DAAM1: variants seen among roughly 807,000 people sequenced by gnomAD.
The protein encoded by DAAM1 is dishevelled associated activator of morphogenesis 1.
DAAM1 carries 52 observed loss-of-function variants against 130.0 expected under a neutral mutation model. The observed-to-expected ratio is 0.40, with a 90% CI of 0.32 to 0.50. The LOEUF (loss-of-function observed/expected upper bound fraction) is 0.50, where lower values mean the gene tolerates loss of function less well. DAAM1 is among the 20% of genes least tolerant of loss of function. The pLI, the probability that DAAM1 is intolerant of heterozygous loss-of-function variation, is 0.61. For missense variants in DAAM1, 1,134 were observed against 1,303.8 expected (o/e 0.87, Z 2.01); for synonymous variants, 452 against 444.5 (o/e 1.02, Z -0.21).
intron 2 of DAAM1, among the ~76,000 whole-genome samples, chr14:59,279,369 G>GA (rs1362416438): frequency 6.6e-6 from 1 of 152,156 alleles, no homozygotes; most frequent in Non-Finnish European, 1.5e-5. Flanking sequence ...TTACCAAAAT[G>GA]AAAAATCTCC....
chr14:59,196,044 G>C (rs1427580586), intron 1 of DAAM1, among the ~76,000 whole-genome samples: 1 of 152,204 alleles, frequency 6.6e-6, no homozygotes, highest in African/African-American at 2.4e-5. Context: ...CCAGCAGCTT[G>C]CTAAGGAACC....
At chr14:59,324,949 A>G (rs986382298) in intron 8 of DAAM1, among the ~76,000 whole-genome samples, 2 of 152,150 alleles carry the variant, frequency 1.3e-5, no homozygotes, top group Non-Finnish European at 2.9e-5. Context: ...AGCTATCCCA[A>G]CTTGCTTTCA....
rs1885214187 is a variant in DAAM1 at position 59,326,605 on chromosome 14, T to G, written c.1270T>G (p.Ser424Ala). 6.2e-7 allele frequency: 1 copy of G among 1,613,926 alleles called. No individual in the cohort carries two copies. Among genetic ancestry groups the G allele is most frequent in the Non-Finnish European group, 8.5e-7 (1 of 1,179,940 alleles). The change falls in exon 11 of 25, where the codon TCC becomes GCC. Residue 424 changes from serine (S) to alanine (A), a missense_variant. This residue lies in a region of DAAM1 where 391 missense variants were observed against 521.6 expected (regional missense o/e 0.75). Transcript: ENST00000360909. The stretch of plus-strand genomic sequence containing the variant: ...GAATGACAAAGGACAGGACCCTGAC[T>G]CCACACCTTTGGAAAACTTTAATAT... Reference protein sequence around the residue: ...IQNDKGQDPDSTPLENFNIKN... With the variant: ...IQNDKGQDPDATPLENFNIKN...
chr14:59,237,220 A>G (rs1055121920), intron 1 of DAAM1, among the ~76,000 whole-genome samples: 2 of 152,214 alleles, frequency 1.3e-5, no homozygotes, highest in African/African-American at 4.8e-5. Flanking sequence ...GTGAACATCT[A>G]TTCTTGTTCT....
intron 23 of DAAM1, 141 bp downstream of exon 23, chr14:59,363,923 C>A: frequency 1.6e-6 from 2 of 1,236,326 alleles, no homozygotes; most frequent in Non-Finnish European, 2.2e-6. Flanking sequence ...TAGATAATTA[C>A]TTTCCAGATT....
chr14:59,216,443 G>C (rs1247790581), intron 1 of DAAM1, among the ~76,000 whole-genome samples: 1 of 152,204 alleles, frequency 6.6e-6, no homozygotes, highest in Non-Finnish European at 1.5e-5. Context: ...ATTTCAGGCA[G>C]GACGCAGTGG....
At chr14:59,342,285 A>G (rs2067032826) in intron 16 of DAAM1, among the ~76,000 whole-genome samples, 1 of 152,222 alleles carries the variant, frequency 6.6e-6, no homozygotes, top group South Asian at 2.1e-4. Context: ...ATTGGGCTGC[A>G]TTGATAAGGA....
rs140303242 is a variant in DAAM1, at chr14:59,235,606, T to C, written c.-37-27835T>C. ...AAAAACCAGCTCCTGGATTCATTGA[T>C]TTTTTTGAAGGGTTTTTCATGTCTC... On this transcript the variant is annotated intron_variant, in intron 1 of 24. Transcript: ENST00000360909. 3.1e-3 allele frequency among the ~76,000 whole-genome samples: 469 copies of C among 152,198 alleles called. 2 individuals carry two copies. The highest frequency in any genetic ancestry group is 4.6e-3 in the Admixed American group (71 of 15,300).
chr14:59,337,325 T>C (rs763305454), intron 15 of DAAM1, among the ~76,000 whole-genome samples: 5 of 152,218 alleles, frequency 3.3e-5, no homozygotes, highest in Non-Finnish European at 7.3e-5. Context: ...TCCATTGTTT[T>C]TTAAATGCCA....
intron 2 of DAAM1, among the ~76,000 whole-genome samples, chr14:59,281,411 C>T (rs1410830308): frequency 6.6e-6 from 1 of 152,170 alleles, no homozygotes; most frequent in Non-Finnish European, 1.5e-5. Context: ...CTTCCCCAAG[C>T]TAGCTTTGGA....
chr14:59,227,631 C>T (rs895276018), intron 1 of DAAM1, among the ~76,000 whole-genome samples: 9 of 152,202 alleles, frequency 5.9e-5, no homozygotes, highest in African/African-American at 1.9e-4. Flanking sequence ...TGTGTCACCT[C>T]GTGCTTGTTC....
intron 1 of DAAM1, among the ~76,000 whole-genome samples, chr14:59,242,060 TC>T (rs2139463136): frequency 6.6e-6 from 1 of 152,318 alleles, no homozygotes; most frequent in African/African-American, 2.4e-5. Context: ...AAGATTCTCA[TC>T]CTGCCTCTTT....
chr14:59,286,127 A>C (rs1208489938), intron 2 of DAAM1, among the ~76,000 whole-genome samples: 1 of 152,178 alleles, frequency 6.6e-6, no homozygotes, highest in Admixed American at 6.6e-5. Flanking sequence ...ATCTATCAAA[A>C]CCATAAAAAT....
chr14:59,310,982 A>T (rs1370221104), intron 3 of DAAM1, among the ~76,000 whole-genome samples: 1 of 152,162 alleles, frequency 6.6e-6, no homozygotes, highest in Non-Finnish European at 1.5e-5. Context: ...AAAAAAACAA[A>T]CAAAAAAACT....
chr14:59,293,232 G>A (rs1239513849), intron 3 of DAAM1, among the ~76,000 whole-genome samples: 1 of 152,160 alleles, frequency 6.6e-6, no homozygotes, highest in African/African-American at 2.4e-5. Flanking sequence ...CTTACTGAAG[G>A]GAAAGTTTTC....
chr14:59,362,708 A>T (rs1223088471), intron 22 of DAAM1: 2 of 152,144 alleles, frequency 1.3e-5, no homozygotes, highest in East Asian at 3.9e-4. Flanking sequence ...AATCAGTGGT[A>T]GAGCTGAGTC....
At chr14:59,339,518 C>T (rs534714738) in intron 15 of DAAM1, among the ~76,000 whole-genome samples, 7 of 152,292 alleles carry the variant, frequency 4.6e-5, no homozygotes, top group Admixed American at 2.0e-4. Flanking sequence ...ACTCATGCCT[C>T]AAACTGCCCC....
At chr14:59,346,141 G>T (rs796860931) in intron 16 of DAAM1, among the ~76,000 whole-genome samples, 31 of 37,452 alleles carry the variant, frequency 8.3e-4, no homozygotes, top group South Asian at 7.3e-3. Context: ...TTTTTTTTGG[G>T]GGGGGGGGGG....
intron 17 of DAAM1, 40 bp from the exon 18 acceptor site, chr14:59,352,486 G>C (rs778961189): frequency 6.7e-7 from 1 of 1,499,338 alleles, no homozygotes; most frequent in Non-Finnish European, 9.2e-7. Flanking sequence ...ATGGATTTAA[G>C]TGATAAACCT....
Sources: allele counts gnomAD v4.1 joint callset (sites outside exome capture counted in the v4.1 genomes callset), GRCh38; gene constraint gnomAD v4.1.1; regional missense constraint gnomAD v4.1.1; transcripts MANE v1.5; gene names NCBI Gene and HGNC (gene_info 2026-07-23, HGNC 2026-07-21).